Variants in RBFOX1 observed in about 807,000 individuals in gnomAD.
The protein encoded by RBFOX1 is RNA binding fox-1 homolog 1, also known as RNA binding protein fox-1 homolog 1.
In RBFOX1, 8 loss-of-function variants were observed where a neutral mutation model predicts 57.7. The observed-to-expected ratio is 0.14, with a 90% confidence interval of 0.08 to 0.25. The LOEUF is 0.25. Ranked by LOEUF, RBFOX1 falls within the 10% of genes least tolerant of loss-of-function variation. RBFOX1 has a pLI of 1.00. For synonymous variants in RBFOX1, 326 were observed against 222.4 expected (o/e 1.47, Z -4.15); for missense variants, 611 against 548.5 (o/e 1.11, Z -1.14).
chr16:5,652,356 C>G lies in RBFOX1; in HGVS notation c.318+53395C>G, dbSNP rs201607605. Among the ~76,000 whole-genome samples, 6 of 152,300 alleles carry G rather than the reference C, an allele frequency of 3.9e-5. No individual in the cohort carries two copies. In the East Asian group the frequency reaches 9.6e-4, roughly 24 times the overall value. ...AACTAATATGCCCAGAGAATCAGAT[C>G]TTGGAAGTGAATGCAGATCGGTCTG... On this transcript the variant is annotated intron_variant, in intron 3 of 19. Transcript: ENST00000641259.
At chr16:5,301,797 A>G (rs2063814805) in intron 1 of RBFOX1, among the ~76,000 whole-genome samples, 2 of 152,170 alleles carry the variant, frequency 1.3e-5, no homozygotes, top group African/African-American at 4.8e-5. Context: ...CTATGAGATA[A>G]CAAATGTTTG....
At chr16:5,979,355 A>G (rs560675207) in intron 4 of RBFOX1, among the ~76,000 whole-genome samples, 11 of 152,312 alleles carry the variant, frequency 7.2e-5, no homozygotes, top group Admixed American at 3.3e-4. Context: ...CCTCTTGACA[A>G]CCATAGCCAG....
chr16:5,431,197 G>C (rs495518), intron 1 of RBFOX1, among the ~76,000 whole-genome samples: 87,803 of 152,036 alleles, frequency 0.58, 25,500 homozygotes, highest in East Asian at 0.68. Context: ...TGTTGTCGGA[G>C]ATAACTCGAT....
At chr16:5,452,075 A>C (rs2068441862) in intron 1 of RBFOX1, among the ~76,000 whole-genome samples, 1 of 150,192 alleles carries the variant, frequency 6.7e-6, no homozygotes, top group Non-Finnish European at 1.5e-5. Flanking sequence ...CCAAGCCCCC[A>C]AGTCTTAATT....
In RBFOX1 at chr16:6,151,404, G is replaced by C. The variant is rs571393382; in HGVS notation, c.-127+131412G>C. Among the ~76,000 whole-genome samples, 5 of 152,226 alleles carry C rather than the reference G, an allele frequency of 3.3e-5. No individual in the cohort carries two copies. The East Asian group carries it at 9.7e-4, about 29-fold the overall frequency. On this transcript the variant is annotated intron_variant, in intron 1 of 15. Transcript: ENST00000550418. ...GGATTCAAGCAATTCTGCTGCCTCAGCCTCCCAAGTAGCTGGGATTACAGG... is the reference window on the plus strand; with the variant it reads ...GGATTCAAGCAATTCTGCTGCCTCACCCTCCCAAGTAGCTGGGATTACAGG...
At chr16:5,563,257 A>T (rs2045950026) in intron 2 of RBFOX1, among the ~76,000 whole-genome samples, 1 of 152,088 alleles carries the variant, frequency 6.6e-6, no homozygotes, top group Non-Finnish European at 1.5e-5. Flanking sequence ...CTGAGGCTGT[A>T]TTATTGTATT....
At chr16:5,271,419 G>A (rs1298652357) in intron 1 of RBFOX1, among the ~76,000 whole-genome samples, 3 of 152,198 alleles carry the variant, frequency 2.0e-5, no homozygotes, top group Non-Finnish European at 2.9e-5. Context: ...CGGTGATTCC[G>A]ACTCAGTAGG....
intron 3 of RBFOX1, among the ~76,000 whole-genome samples, chr16:6,895,702 T>G (rs922826265): frequency 1.3e-5 from 2 of 151,130 alleles, no homozygotes; most frequent in African/African-American, 4.9e-5. Flanking sequence ...AAAGGAAGAG[T>G]AAAGGATACT....
chr16:6,916,281 C>T (rs930809876), intron 3 of RBFOX1, among the ~76,000 whole-genome samples: 1 of 152,104 alleles, frequency 6.6e-6, no homozygotes, highest in African/African-American at 2.4e-5. Flanking sequence ...CTGTTGTTTC[C>T]ACAGGATACC....
chr16:5,764,863 A>G (rs2053721839), intron 3 of RBFOX1, among the ~76,000 whole-genome samples: 1 of 152,210 alleles, frequency 6.6e-6, no homozygotes, highest in Non-Finnish European at 1.5e-5. Flanking sequence ...GGCACTCTGT[A>G]TATGGCCTTT....
intron 4 of RBFOX1, among the ~76,000 whole-genome samples, chr16:7,074,296 G>C (rs571989932): frequency 6.6e-6 from 1 of 152,292 alleles, no homozygotes; most frequent in South Asian, 2.1e-4. Context: ...CTCAGAAATC[G>C]AATGAAAACC....
chr16:5,329,693 G>A (rs2064691672), intron 1 of RBFOX1, among the ~76,000 whole-genome samples: 1 of 152,186 alleles, frequency 6.6e-6, no homozygotes, highest in African/African-American at 2.4e-5. Flanking sequence ...TGGCAGCTGT[G>A]AAGTCCAAGA....
At chr16:7,103,325 T>C (rs2063019924) in intron 4 of RBFOX1, among the ~76,000 whole-genome samples, 3 of 152,126 alleles carry the variant, frequency 2.0e-5, no homozygotes. Flanking sequence ...GTAATCATTG[T>C]AGAATTGCCT....
intron 3 of RBFOX1, among the ~76,000 whole-genome samples, chr16:5,612,546 G>A (rs7188961): frequency 0.95 from 144,853 of 152,360 alleles, 68,897 homozygotes; most frequent in East Asian, 1. Flanking sequence ...TCTGAGAAAG[G>A]TTTTTATAAT....
At chr16:7,021,522 AATTT>A (rs1348546534) in intron 3 of RBFOX1, among the ~76,000 whole-genome samples, 1 of 145,396 alleles carries the variant, frequency 6.9e-6, no homozygotes, top group Non-Finnish European at 1.5e-5. Flanking sequence ...TATTTTATAA[AATTT>A]ATAAAATTTT....
At chr16:6,753,676 C>T (rs1430673387) in intron 3 of RBFOX1, among the ~76,000 whole-genome samples, 1 of 152,116 alleles carries the variant, frequency 6.6e-6, no homozygotes, top group Non-Finnish European at 1.5e-5. Flanking sequence ...TTTCTGTCTC[C>T]CCGTGAGAAG....
chr16:7,557,750 G>T (rs902859177), intron 5 of RBFOX1, among the ~76,000 whole-genome samples: 2 of 151,312 alleles, frequency 1.3e-5, no homozygotes, highest in African/African-American at 2.4e-5. Flanking sequence ...GCTGTAATCA[G>T]TGAAGTGCTA....
chr16:5,816,494 C>T (rs568908149), intron 3 of RBFOX1, among the ~76,000 whole-genome samples: 1 of 152,332 alleles, frequency 6.6e-6, no homozygotes, highest in South Asian at 2.1e-4. Flanking sequence ...CATCTCCTAT[C>T]TGAAGCTCCT....
chr16:7,109,907 C>T (rs746141512), intron 4 of RBFOX1, among the ~76,000 whole-genome samples: 21 of 151,918 alleles, frequency 1.4e-4, no homozygotes, highest in Non-Finnish European at 2.9e-4. Context: ...GGGAAAGAGC[C>T]CCCTATCAGG....
Sources: gnomAD v4.1 joint callset for allele counts (sites outside exome capture counted in the v4.1 genomes callset) on GRCh38, gnomAD v4.1.1 for gene constraint, MANE v1.5 for transcripts, NCBI Gene and HGNC (gene_info 2026-07-23, HGNC 2026-07-21) for gene names.